CCDC7: variants seen among roughly 807,000 people sequenced by gnomAD.
CCDC7 encodes coiled-coil domain-containing protein 7.
A neutral mutation model predicts 196.9 loss-of-function variants in CCDC7; 183 were observed. That is an observed-to-expected ratio of 0.93 (90% CI 0.82 to 1.05). The LOEUF is 1.05. Ranked by LOEUF, CCDC7 falls within the 50% of genes least tolerant of loss-of-function variation. The probability of loss-of-function intolerance (pLI) is 0.00; values close to 1 mark genes in which losing one functional copy is unlikely to be tolerated. For missense variants in CCDC7, 1,540 were observed against 1,482.2 expected (o/e 1.04, Z -0.64); for synonymous variants, 525 against 484.6 (o/e 1.08, Z -1.10).
intron 28 of CCDC7, among the ~76,000 whole-genome samples, chr10:32,753,622 C>G (rs967094829): frequency 6.6e-6 from 1 of 152,126 alleles, no homozygotes; most frequent in Admixed American, 6.6e-5. Context: ...AAGAATCTGA[C>G]TATATTTGGC....
At chr10:32,639,946 G>C (rs2066417764) in intron 20 of CCDC7, among the ~76,000 whole-genome samples, 1 of 152,168 alleles carries the variant, frequency 6.6e-6, no homozygotes, top group Admixed American at 6.6e-5. Flanking sequence ...TTGCTAAGGA[G>C]TGCTTTACTT....
chr10:32,602,561 A>G (rs2061165589), intron 18 of CCDC7, among the ~76,000 whole-genome samples: 1 of 152,108 alleles, frequency 6.6e-6, no homozygotes, highest in Non-Finnish European at 1.5e-5. Context: ...TTCTATTTTG[A>G]TATTAATTTT....
rs967507586 is a variant in CCDC7, at chr10:32,451,758, A to T, written c.116A>T (p.His39Leu). ...TTATCACCTGAGCTAAAGGAAAAACATAATGCAAAATTAATTCATGATAAA... is the reference window on the plus strand; with the variant it reads ...TTATCACCTGAGCTAAAGGAAAAACTTAATGCAAAATTAATTCATGATAAA... Residue 39 changes from histidine to leucine, a missense_variant, in exon 1 of 42, where the codon CAT becomes CTT. His to Leu is a moderately conservative substitution (Grantham distance 99). Coordinates refer to ENST00000639629, the Ensembl canonical transcript of CCDC7. 4.3e-6 allele frequency: 7 copies of T among 1,614,094 alleles called. No individual in the cohort carries two copies. In the African/African-American group the frequency reaches 9.3e-5, roughly 22 times the overall value.
intron 16 of CCDC7, among the ~76,000 whole-genome samples, chr10:32,582,067 T>C (rs1348152258): frequency 6.8e-6 from 1 of 146,648 alleles, no homozygotes; most frequent in Non-Finnish European, 1.5e-5. Flanking sequence ...TACAAAAGTC[T>C]GTTTGTCATA....
chr10:32,513,954 A>G (rs1184444573), intron 9 of CCDC7: 1 of 152,216 alleles, frequency 6.6e-6, no homozygotes, highest in Non-Finnish European at 1.5e-5. Flanking sequence ...ATTCACTTCT[A>G]TTCATCATTA....
chr10:32,814,497 A>G (rs758615966), intron 31 of CCDC7, 44 bp downstream of exon 32: 8 of 1,395,164 alleles, frequency 5.7e-6, no homozygotes, highest in African/African-American at 1.4e-5. Flanking sequence ...TGGTTAGTTT[A>G]TATTCTCTGG....
At chr10:32,750,130 G>A (rs1419796021) in intron 28 of CCDC7, among the ~76,000 whole-genome samples, 1 of 152,048 alleles carries the variant, frequency 6.6e-6, no homozygotes, top group African/African-American at 2.4e-5. Context: ...AAGATTTTAA[G>A]AATAAATAAT....
In CCDC7 at chr10:32,618,914, T is replaced by C. The variant is rs943067199; in HGVS notation, c.1802-15340T>C. On this transcript the variant is annotated intron_variant, in intron 18 of 41. Coordinates refer to ENST00000639629, the Ensembl canonical transcript of CCDC7. ...CTATAGCTTTATGTAGTCCCAGACA[T>C]CTCAAAGCTTTGTTCATTCTGTTCT... 3.3e-5 allele frequency among the ~76,000 whole-genome samples: 5 copies of C among 152,236 alleles called. No individual in the cohort carries two copies. The East Asian group carries it at 9.6e-4, about 29-fold the overall frequency.
At chr10:32,636,696 C>T (rs1296836770) in intron 20 of CCDC7, among the ~76,000 whole-genome samples, 1 of 152,164 alleles carries the variant, frequency 6.6e-6, no homozygotes, top group Non-Finnish European at 1.5e-5. Context: ...CATATGTGTG[C>T]ATGTGTCTTT....
At chr10:32,847,324 C>T (rs56342681) in intron 37 of CCDC7, among the ~76,000 whole-genome samples, 15,980 of 151,822 alleles carry the variant, frequency 0.11, 1,037 homozygotes, top group South Asian at 0.25. Flanking sequence ...TATTAACATG[C>T]AAAGAAACAG....
chr10:32,759,093 A>G (rs2076977446), intron 28 of CCDC7, among the ~76,000 whole-genome samples: 3 of 152,242 alleles, frequency 2.0e-5, no homozygotes, highest in African/African-American at 7.2e-5. Flanking sequence ...GAAATAAAAG[A>G]GGACTCAAAC....
At chr10:32,863,622 T>C (rs1193856724) in intron 41 of CCDC7, among the ~76,000 whole-genome samples, 1 of 151,934 alleles carries the variant, frequency 6.6e-6, no homozygotes, top group Non-Finnish European at 1.5e-5. Context: ...TGACAAGGAC[T>C]CCAGGACTCC....
At chr10:32,586,759 G>A (rs1182327087) in intron 18 of CCDC7, among the ~76,000 whole-genome samples, 1 of 152,174 alleles carries the variant, frequency 6.6e-6, no homozygotes, top group African/African-American at 2.4e-5. Flanking sequence ...CCAGTACCAA[G>A]CTGTTTTGGC....
intron 16 of CCDC7, chr10:32,574,639 T>C (rs1279412814): frequency 2.9e-5 from 14 of 476,396 alleles, no homozygotes; most frequent in Non-Finnish European, 4.1e-5. Context: ...TTTAATAATT[T>C]ATTGTTTCAC....
chr10:32,836,784 C>T (rs1472947237), intron 33 of CCDC7, among the ~76,000 whole-genome samples: 1 of 151,940 alleles, frequency 6.6e-6, no homozygotes, highest in Non-Finnish European at 1.5e-5. Flanking sequence ...TCTGTTTACT[C>T]TGTTAGACTT....
chr10:32,642,698 A>G (rs898413087), intron 20 of CCDC7, among the ~76,000 whole-genome samples: 6 of 152,196 alleles, frequency 3.9e-5, no homozygotes, highest in Admixed American at 3.9e-4. Context: ...CAGTGTGATG[A>G]ACCCAGTACC....
At chr10:32,559,784 C>T (rs750874116) in intron 13 of CCDC7, among the ~76,000 whole-genome samples, 8 of 152,308 alleles carry the variant, frequency 5.3e-5, no homozygotes, top group South Asian at 2.1e-4. Flanking sequence ...TCCAAAGGAA[C>T]GCAGTTCCTC....
chr10:32,560,136 G>C (rs1395335715), intron 13 of CCDC7, among the ~76,000 whole-genome samples: 1 of 152,202 alleles, frequency 6.6e-6, no homozygotes, highest in African/African-American at 2.4e-5. Flanking sequence ...AGAATAAAAA[G>C]AAACGAACAA....
intron 28 of CCDC7, among the ~76,000 whole-genome samples, chr10:32,770,069 A>G (rs1195177132): frequency 1.3e-5 from 2 of 152,188 alleles, no homozygotes; most frequent in East Asian, 3.9e-4. Context: ...GTCTTCCACA[A>G]TGGTTGAACT....
Sources: allele counts gnomAD v4.1 joint callset (sites outside exome capture counted in the v4.1 genomes callset), GRCh38; gene constraint gnomAD v4.1.1; transcripts MANE v1.5; gene names NCBI Gene and HGNC (gene_info 2026-07-23, HGNC 2026-07-21).